The following GPR89B variants were observed in gnomAD, a reference collection of about 807,000 sequenced individuals.
GPR89B encodes the protein G protein-coupled receptor 89B.
GPR89B carries 25 observed loss-of-function variants against 52.4 expected under a neutral mutation model. The ratio of observed to expected loss-of-function variants is 0.48; its 90% CI spans 0.35 to 0.67. GPR89B has a LOEUF of 0.67. Among genes scored for constraint, GPR89B ranks in the 30% least tolerant of loss-of-function variants. The probability of loss-of-function intolerance (pLI) is 0.01; values close to 1 mark genes in which losing one functional copy is unlikely to be tolerated. For missense variants in GPR89B, 146 were observed against 450.2 expected, an observed-to-expected ratio of 0.32 and a Z score of 6.11; for synonymous variants, 52 against 151.2, an observed-to-expected ratio of 0.34 and a Z score of 4.81.
chr1:147,953,108 T>C (rs1655849778), intron 5 of GPR89B, among the ~76,000 whole-genome samples: 1 of 148,910 alleles, frequency 6.7e-6, no homozygotes, highest in Non-Finnish European at 1.5e-5. Flanking sequence ...TTGTTGTTAT[T>C]ATTTTACTGC....
intron 1 of GPR89B, among the ~76,000 whole-genome samples, chr1:147,929,377 G>A (rs1571207709): frequency 6.6e-6 from 1 of 151,746 alleles, no homozygotes; most frequent in South Asian, 2.1e-4. Flanking sequence ...TCATAGCACT[G>A]GCATCATTTA....
At chr1:147,933,028 G>A (rs1653778620) in intron 1 of GPR89B, among the ~76,000 whole-genome samples, 1 of 152,034 alleles carries the variant, frequency 6.6e-6, no homozygotes, top group South Asian at 2.1e-4. Flanking sequence ...AGATTATAAT[G>A]CTAAGTACTA....
At chr1:148,006,253 C>G in the GPR89B span, among the ~76,000 whole-genome samples, 1 of 149,544 alleles carries the variant, frequency 6.7e-6, no homozygotes, top group South Asian at 2.1e-4. Flanking sequence ...GTGTCATACG[C>G]CCTTTCTTTG....
the GPR89B span, among the ~76,000 whole-genome samples, chr1:148,023,132 C>T: frequency 6.6e-6 from 1 of 150,576 alleles, no homozygotes; most frequent in Non-Finnish European, 1.5e-5. Flanking sequence ...CTATAGTTCT[C>T]AAGTTTATGT....
At chr1:147,948,101 T>C (rs1282917929) in intron 5 of GPR89B, among the ~76,000 whole-genome samples, 2 of 151,660 alleles carry the variant, frequency 1.3e-5, no homozygotes, top group East Asian at 3.9e-4. Context: ...TTGTGATCAT[T>C]GTCATCAAGG....
At chr1:148,017,322 G>C in the GPR89B span, among the ~76,000 whole-genome samples, 1 of 151,592 alleles carries the variant, frequency 6.6e-6, no homozygotes, top group African/African-American at 2.4e-5. Context: ...GATTACAGGC[G>C]TGAGCCATTG....
intron 5 of GPR89B, among the ~76,000 whole-genome samples, chr1:147,950,057 T>C (rs1424158609): frequency 6.9e-6 from 1 of 145,700 alleles, no homozygotes; most frequent in Non-Finnish European, 1.5e-5. Context: ...ACGGGGCGGC[T>C]GGCCGTGCGG....
intron 5 of GPR89B, among the ~76,000 whole-genome samples, chr1:147,949,404 T>C: frequency 1.7e-5 from 2 of 119,404 alleles, no homozygotes; most frequent in Admixed American, 8.3e-5. Flanking sequence ...CCCCCCCACC[T>C]CCCTCCCGGA....
chr1:147,970,547 C>CTA (rs1558059009), intron 10 of GPR89B, among the ~76,000 whole-genome samples: 13 of 125,550 alleles, frequency 1.0e-4, no homozygotes, highest in African/African-American at 3.3e-4. Context: ...CTCTATCTCT[C>CTA]TCTCTCTATC....
the GPR89B span, among the ~76,000 whole-genome samples, chr1:148,000,305 T>C: frequency 6.6e-6 from 1 of 151,554 alleles, no homozygotes; most frequent in Non-Finnish European, 1.5e-5. Context: ...TAGGAACAAG[T>C]AGCATGCCAT....
the GPR89B span, among the ~76,000 whole-genome samples, chr1:148,004,466 CT>C: frequency 7.0e-6 from 1 of 143,644 alleles, no homozygotes; most frequent in African/African-American, 2.5e-5. Context: ...CGCCCGGCCC[CT>C]ATCTCCACTT....
chr1:148,008,879 C>T, the GPR89B span, among the ~76,000 whole-genome samples: 1 of 151,478 alleles, frequency 6.6e-6, no homozygotes, highest in Non-Finnish European at 1.5e-5. Flanking sequence ...AGCAGGTGCT[C>T]AAGAATTTGT....
At chr1:147,958,231 A>G (rs1160360673) in intron 7 of GPR89B, among the ~76,000 whole-genome samples, 1 of 152,192 alleles carries the variant, frequency 6.6e-6, no homozygotes, top group African/African-American at 2.4e-5. Context: ...ACATGAGTGT[A>G]TATAAATGCA....
At chr1:147,995,734 T>C (rs1659300837), downstream of GPR89B, 2 of 1,607,508 alleles carry the variant, frequency 1.2e-6, no homozygotes, top group Admixed American at 1.7e-5. Context: ...AGGCCTTCTT[T>C]CCACAGACTA....
chr1:148,010,686 A>G, the GPR89B span: 1 of 152,252 alleles, frequency 6.6e-6, no homozygotes, highest in Admixed American at 6.5e-5. Flanking sequence ...ACACCAAGGC[A>G]TGGGTTGGCA....
chr1:148,021,371 T>G, the GPR89B span, among the ~76,000 whole-genome samples: 150 of 151,956 alleles, frequency 9.9e-4, 1 homozygote, highest in Non-Finnish European at 1.7e-3. Context: ...GGGTGGTGGC[T>G]GGCACCTGTA....
At chr1:147,998,060 C>T (rs1311769585), downstream of GPR89B, among the ~76,000 whole-genome samples, 2 of 151,840 alleles carry the variant, frequency 1.3e-5, no homozygotes, top group African/African-American at 4.8e-5. Flanking sequence ...GAACAGGAAA[C>T]AGGATTGATT....
the GPR89B span, chr1:148,010,540 G>T: frequency 6.6e-6 from 1 of 152,440 alleles, no homozygotes; most frequent in East Asian, 1.9e-4. Context: ...TGTAGAGGAA[G>T]AGAAGCTCCA....
chr1:147,981,532 A>C (rs1658251497), intron 10 of GPR89B, among the ~76,000 whole-genome samples: 1 of 150,002 alleles, frequency 6.7e-6, no homozygotes, highest in Non-Finnish European at 1.5e-5. Context: ...ATGGCTGAAT[A>C]ATATCTATTT....
Sources: allele counts gnomAD v4.1 joint callset (sites outside exome capture counted in the v4.1 genomes callset), GRCh38; gene constraint gnomAD v4.1.1; transcripts MANE v1.5; gene names NCBI Gene and HGNC (gene_info 2026-07-23, HGNC 2026-07-21).